The following LTB variants were observed in gnomAD, a reference collection of about 807,000 sequenced individuals.
LTB encodes the protein lymphotoxin beta, also known as lymphotoxin-beta.
In LTB, 17 loss-of-function variants were observed where a neutral mutation model predicts 14.7. The observed-to-expected ratio is 1.16, with a 90% CI of 0.79 to 1.73. The LOEUF (loss-of-function observed/expected upper bound fraction) is 1.73. Among genes scored for constraint, LTB ranks in the 40% most tolerant of loss-of-function variants. The pLI, the probability that LTB is intolerant of heterozygous loss-of-function variation, is 0.00. For synonymous variants in LTB, 163 were observed against 157.3 expected (o/e 1.04, Z -0.27); for missense variants, 288 against 324.3 (o/e 0.89, Z 0.86).
intron 3 of LTB, 61 bp downstream of exon 3, chr6:31,581,498 G>A: frequency 6.7e-7 from 1 of 1,496,830 alleles, no homozygotes; most frequent in Non-Finnish European, 9.3e-7. Flanking sequence ...AGGACTCTGG[G>A]CGAGCAGAAC....
Position 31,581,931 on chromosome 6 carries a change from C to G in LTB, c.163-72G>C, listed in dbSNP as rs555062699. On this transcript the variant is annotated intron_variant, in intron 1 of 3. Coordinates refer to ENST00000429299, the MANE Select transcript of LTB (RefSeq NM_002341.2). The stretch of plus-strand genomic sequence containing the variant: ...TCACCCCTACCCCTCTGAAAGTGGA[C>G]CCAAGCTGCAGGCCTGGGGTTTCTC... 268 of 1,464,412 alleles carry G rather than the reference C, an allele frequency of 1.8e-4. 2 individuals are homozygous for G. In the East Asian group the frequency reaches 5.5e-3, roughly 30 times the overall value. The allele number at this position is 1,464,412 out of a possible 1,614,324, so 90.7% of individuals were successfully genotyped here.
At chr6:31,582,132 A>G (rs1771587752) in intron 1 of LTB, 124 bp downstream of exon 1, 3 of 1,132,440 alleles carry the variant, frequency 2.6e-6, no homozygotes, top group South Asian at 1.4e-5. Flanking sequence ...AAGAGACAAG[A>G]CATCCCCACC....
intron 3 of LTB, 49 bp downstream of exon 3, chr6:31,581,510 G>A: frequency 6.4e-7 from 1 of 1,556,126 alleles, no homozygotes; most frequent in Non-Finnish European, 8.9e-7. Context: ...GAGCAGAACT[G>A]GAACCTTCGG....
chr6:31,581,966 C>A, intron 1 of LTB, 107 bp from the exon 2 acceptor site: 2 of 1,116,430 alleles, frequency 1.8e-6, no homozygotes, highest in Non-Finnish European at 2.6e-6. Flanking sequence ...CCTACCAGCA[C>A]CATCCCCAAC....
At chr6:31,581,974 A>AAC (rs898774166) in intron 1 of LTB, 115 bp from the exon 2 acceptor site, 2 of 1,037,002 alleles carry the variant, frequency 1.9e-6, no homozygotes, top group Non-Finnish European at 2.9e-6. Flanking sequence ...CACCATCCCC[A>AAC]ACACACACCT....
rs1412856853 is a variant in LTB at position 31,581,057 on chromosome 6, C to T, written c.387G>A (p.Gln129=). Residue 129 remains glutamine (Q), a synonymous_variant, in exon 4 of 4, where the codon CAG becomes CAA. Transcript: ENST00000429299. ...FSDAEGLALP[Q]DGLYYLYCLV... ...GACAGTAGAGGTAATAGAGGCCGTCCTGCGGGAGCGCCAGCCCCTCGGCGT... is the reference window on the plus strand; with the variant it reads ...GACAGTAGAGGTAATAGAGGCCGTCTTGCGGGAGCGCCAGCCCCTCGGCGT... The T allele has an allele frequency of 1.4e-5, 22 of 1,610,112 alleles. No individual in the cohort carries two copies. The highest frequency in any genetic ancestry group is 1.7e-5 in the Non-Finnish European group (20 of 1,178,818).
rs112508585 is a variant in LTB, at chr6:31,582,142, C to T, written c.162+114G>A. ...CAGCAAAGAGACAAGACATCCCCAC[C>T]AGGGACAGCCGAGCCAGCTGAGCCA... On this transcript the variant is annotated intron_variant, in intron 1 of 3. Transcript: ENST00000429299. The T allele has an allele frequency of 1.6e-5, 20 of 1,263,414 alleles. 1 individual carries two copies. The Middle Eastern group carries it at 5.8e-4, about 37-fold the overall frequency. The allele number at this position is 1,263,414 out of a possible 1,614,324, so 78.3% of individuals were successfully genotyped here.
In LTB at chr6:31,580,901, G is replaced by A. The variant is rs769694557; in HGVS notation, c.543C>T (p.Gly181=). 163 of 1,596,206 alleles carry A rather than the reference G, an allele frequency of 1.0e-4. No homozygotes were observed. Among genetic ancestry groups the A allele is most frequent in the Non-Finnish European group, 1.3e-4 (156 of 1,172,506 alleles). The change falls in exon 4 of 4, where the codon GGC becomes GGT. Residue 181 remains glycine, a synonymous_variant. Coordinates refer to ENST00000429299, the MANE Select transcript of LTB (RefSeq NM_002341.2). This position sits in a 1 kb window ranked among gnomAD's most constrained non-coding sequence, Gnocchi z 6.6. The part of the protein sequence containing the change: ...GPGTPELLLE[G]AETVTPVLDP... Reference sequence around the variant, plus strand: ...CCAGCACTGGAGTCACCGTCTCGGCGCCCTCGAGCAGCAGCTCGGGAGTGC... The same window carrying A: ...CCAGCACTGGAGTCACCGTCTCGGCACCCTCGAGCAGCAGCTCGGGAGTGC...
In LTB at chr6:31,582,374, C is replaced by G. The variant is rs563979837; in HGVS notation, c.44G>C (p.Gly15Ala). 6.2e-7 allele frequency: 1 copy of G among 1,612,912 alleles called. No homozygotes were observed. Among genetic ancestry groups the G allele is most frequent in the Admixed American group, 1.7e-5 (1 of 60,012 alleles). Reference protein sequence around the residue: ...GLEGRGGRLQGRGSLLLAVAG... With the variant: ...GLEGRGGRLQARGSLLLAVAG... ...CACAGCTAGCAGGAGGGAACCCCTC[C>G]CCTGGAGCCTCCCACCCCTGCCCTC... The change falls in exon 1 of 4, where the codon GGG (glycine) becomes GCG (alanine). Residue 15 changes from glycine (G) to alanine (A), a missense_variant. Coordinates refer to ENST00000429299, the MANE Select transcript of LTB (RefSeq NM_002341.2).
Position 31,581,638 on chromosome 6 carries a change from G to C in LTB, c.209-8C>G. 1 of 1,612,864 alleles carries C rather than the reference G, an allele frequency of 6.2e-7. No individual in the cohort carries two copies. Reference sequence around the variant, plus strand: ...CTGGCAGCTTCTGAAACCCTGGAAGGGGCAAAGAGTCCACGATTGGGGGCA... The same window carrying C: ...CTGGCAGCTTCTGAAACCCTGGAAGCGGCAAAGAGTCCACGATTGGGGGCA... On this transcript the variant is annotated splice_polypyrimidine_tract_variant and splice_region_variant and intron_variant, in intron 2 of 3. Transcript: ENST00000429299.
rs1383937491 is a variant in LTB at position 31,582,402 on chromosome 6, G to T, written c.16C>A (p.Leu6Met). 2 of 1,611,454 alleles carry T rather than the reference G, an allele frequency of 1.2e-6. No individual in the cohort carries two copies. The highest frequency in any genetic ancestry group is 2.7e-5 in the African/African-American group (2 of 74,854). MGALG[L>M]EGRGGRLQGR... The stretch of plus-strand genomic sequence containing the variant: ...TGGAGCCTCCCACCCCTGCCCTCCA[G>T]CCCCAGTGCCCCCATTGAGACTGAA... The change falls in exon 1 of 4, where the codon CTG becomes ATG. Residue 6 changes from leucine (L) to methionine (M), a missense_variant. Transcript: ENST00000429299.
chr6:31,581,417 G>GTT, intron 3 of LTB, 142 bp downstream of exon 3: 2 of 871,456 alleles, frequency 2.3e-6, no homozygotes, highest in Non-Finnish European at 3.8e-6. Context: ...GGGGACGAGC[G>GTT]TAAGAGTGGG....
At chr6:31,582,023 C>A in intron 1 of LTB, 164 bp from the exon 2 acceptor site, 1 of 806,014 alleles carries the variant, frequency 1.2e-6, no homozygotes, top group Admixed American at 2.8e-5. Flanking sequence ...GGTACTTGGG[C>A]GGAGAAACAG....
intron 2 of LTB, 21 bp downstream of exon 2, chr6:31,581,793 G>A: frequency 6.2e-7 from 1 of 1,612,392 alleles, no homozygotes; most frequent in Middle Eastern, 1.7e-4. Context: ...AAGCGGGGAA[G>A]GAGAGACAGT....
chr6:31,581,037 T>A lies in LTB; in HGVS notation c.407A>T (p.Tyr136Phe). The A allele has an allele frequency of 6.2e-7, 1 of 1,601,448 alleles. No individual in the cohort carries two copies. Among genetic ancestry groups the A allele is most frequent in the Non-Finnish European group, 8.5e-7 (1 of 1,174,566 alleles). Residue 136 changes from tyrosine (Y) to phenylalanine (F), a missense_variant, in exon 4 of 4, where the codon TAC (tyrosine) becomes TTC (phenylalanine). Tyr to Phe is a conservative substitution (Grantham distance 22). Coordinates refer to ENST00000429299, the MANE Select transcript of LTB (RefSeq NM_002341.2). ...CCGGCCCCGGTAGCCGACGAGACAG[T>A]AGAGGTAATAGAGGCCGTCCTGCGG... ...ALPQDGLYYL[Y>F]CLVGYRGRAP...
At chr6:31,581,511 G>A (rs762268761) in intron 3 of LTB, 48 bp downstream of exon 3, 1 of 1,555,522 alleles carries the variant, frequency 6.4e-7, no homozygotes, top group Non-Finnish European at 8.9e-7. Flanking sequence ...AGCAGAACTG[G>A]AACCTTCGGA....
Position 31,580,809 on chromosome 6 carries a change from T to A in LTB, c.635A>T (p.Gln212Leu). 6.2e-7 allele frequency: 1 copy of A among 1,612,936 alleles called. No individual in the cohort carries two copies. ...YTSVGFGGLV[Q>L]LRRGERVYVN... The stretch of plus-strand genomic sequence containing the variant: ...GTACACCCTCTCGCCCCTCCGGAGC[T>A]GCACCAGGCCGCCGAACCCCACGCT... The change falls in exon 4 of 4, where the codon CAG becomes CTG. Residue 212 changes from glutamine to leucine, a missense_variant. Transcript: ENST00000429299. The surrounding 1 kb of genome is among the most constrained non-coding windows in gnomAD (Gnocchi z 6.6).
At chr6:31,581,939 G>T (rs928828646) in intron 1 of LTB, 80 bp from the exon 2 acceptor site, 2 of 1,401,206 alleles carry the variant, frequency 1.4e-6, no homozygotes, top group Non-Finnish European at 1.9e-6. Context: ...GACCCAAGCT[G>T]CAGGCCTGGG....
At chr6:31,581,423 G>T in intron 3 of LTB, 136 bp downstream of exon 3, 2 of 897,110 alleles carry the variant, frequency 2.2e-6, no homozygotes, top group Non-Finnish European at 3.6e-6. Flanking sequence ...GAGCGTAAGA[G>T]TGGGCACGAG....
Sources: allele counts gnomAD v4.1 joint callset, GRCh38; gene constraint gnomAD v4.1.1; non-coding constraint Gnocchi (gnomAD v3.1); transcripts MANE v1.5; gene names NCBI Gene and HGNC (gene_info 2026-07-23, HGNC 2026-07-21).